Variants in TBC1D19 observed in about 807,000 individuals in gnomAD.
TBC1D19 encodes the protein TBC1 domain family member 19.
TBC1D19 carries 60 observed loss-of-function variants against 89.0 expected under a neutral mutation model. That is an observed-to-expected ratio of 0.67 (90% CI 0.55 to 0.84). The LOEUF (loss-of-function observed/expected upper bound fraction) is 0.84, where lower values mean the gene tolerates loss of function less well. Ranked by LOEUF, TBC1D19 falls within the 40% of genes least tolerant of loss-of-function variation. TBC1D19 has a pLI of 0.00. For missense variants in TBC1D19, 500 were observed against 610.8 expected, an observed-to-expected ratio of 0.82 and a Z score of 1.91; for synonymous variants, 189 against 199.7, an observed-to-expected ratio of 0.95 and a Z score of 0.45.
intron 1 of TBC1D19, among the ~76,000 whole-genome samples, chr4:26,597,362 G>A (rs1740290098): frequency 6.6e-6 from 1 of 152,082 alleles, no homozygotes; most frequent in Admixed American, 6.6e-5. Context: ...AGTCCATTTT[G>A]TATGGTGTTA....
At chr4:26,604,749 C>A in intron 1 of TBC1D19, among the ~76,000 whole-genome samples, 1 of 151,714 alleles carries the variant, frequency 6.6e-6, no homozygotes, top group Middle Eastern at 3.4e-3. Flanking sequence ...GGCATGGTGG[C>A]GGGTGCCTGT....
intron 13 of TBC1D19, among the ~76,000 whole-genome samples, chr4:26,689,485 T>G (rs1234993523): frequency 2.0e-5 from 3 of 152,182 alleles, no homozygotes; most frequent in Non-Finnish European, 2.9e-5. Context: ...TTCACAGATA[T>G]GTTATTTTTA....
At chr4:26,778,717 C>T in the TBC1D19 span, among the ~76,000 whole-genome samples, 1 of 152,122 alleles carries the variant, frequency 6.6e-6, no homozygotes, top group African/African-American at 2.4e-5. Flanking sequence ...ATTGGCATTA[C>T]CAGAAACCCC....
chr4:26,660,760 C>T (rs1312449809), intron 8 of TBC1D19, among the ~76,000 whole-genome samples: 2 of 152,172 alleles, frequency 1.3e-5, no homozygotes, highest in African/African-American at 2.4e-5. Flanking sequence ...CCTGGTCTGC[C>T]TTTGTGTGGC....
intron 8 of TBC1D19, among the ~76,000 whole-genome samples, chr4:26,665,095 G>A (rs188892228): frequency 6.6e-6 from 1 of 152,088 alleles, no homozygotes; most frequent in Admixed American, 6.6e-5. Flanking sequence ...CTTGGAAGGG[G>A]TGCCTTCGAT....
At chr4:26,737,076 CTT>C (rs754238051) in intron 16 of TBC1D19, among the ~76,000 whole-genome samples, 1 of 152,154 alleles carries the variant, frequency 6.6e-6, no homozygotes, top group Non-Finnish European at 1.5e-5. Context: ...GCAATAAACA[CTT>C]TTCTTTGTAA....
At chr4:26,683,477 T>C (rs1713536033) in intron 11 of TBC1D19, among the ~76,000 whole-genome samples, 198 bp from the exon 12 acceptor site, 1 of 152,198 alleles carries the variant, frequency 6.6e-6, no homozygotes, top group Non-Finnish European at 1.5e-5. Context: ...ACTCACCAGG[T>C]GCCAGATGTT....
At chr4:26,720,414 A>T (rs115448444) in intron 15 of TBC1D19, among the ~76,000 whole-genome samples, 2,043 of 152,164 alleles carry the variant, frequency 0.013, 40 homozygotes, top group African/African-American at 0.047. Context: ...ACACTAGCTA[A>T]TCCAATGCAG....
the TBC1D19 span, among the ~76,000 whole-genome samples, chr4:26,783,224 C>T: frequency 1.3e-5 from 2 of 152,176 alleles, no homozygotes; most frequent in African/African-American, 4.8e-5. Flanking sequence ...AAGAAAGGTT[C>T]TGGTCCACTG....
chr4:26,619,071 T>C (rs999023256), intron 3 of TBC1D19, among the ~76,000 whole-genome samples: 1 of 152,212 alleles, frequency 6.6e-6, no homozygotes, highest in African/African-American at 2.4e-5. Context: ...AATAAATATC[T>C]AACTTGATTT....
chr4:26,832,956 C>T, the TBC1D19 span, among the ~76,000 whole-genome samples: 4 of 152,092 alleles, frequency 2.6e-5, no homozygotes, highest in African/African-American at 9.6e-5. Context: ...ATTGAGCTAC[C>T]GCACTCTGGC....
Position 26,687,052 on chromosome 4 carries a change from A to AT in TBC1D19, c.892-1288dup, listed in dbSNP as rs1472008229. ...TGTTTGTTTGTTTTTTGAAGTTTTG[A>AT]TTTTTGTATCCTTCATCCCAACCAA... On this transcript the variant is annotated intron_variant, in intron 12 of 20. Coordinates refer to ENST00000264866, the MANE Select transcript of TBC1D19 (RefSeq NM_018317.4). 2.6e-5 allele frequency among the ~76,000 whole-genome samples: 4 copies of AT among 151,874 alleles called. No individual in the cohort carries two copies. In the East Asian group the frequency reaches 7.7e-4, roughly 29 times the overall value.
chr4:26,613,324 AC>A, intron 2 of TBC1D19, 83 bp downstream of exon 2: 2 of 818,718 alleles, frequency 2.4e-6, no homozygotes, highest in Non-Finnish European at 3.7e-6. Flanking sequence ...TCAAGCTTGT[AC>A]AACCACCTTA....
At chr4:26,626,955 T>A (rs1189970188) in intron 4 of TBC1D19, among the ~76,000 whole-genome samples, 1 of 151,030 alleles carries the variant, frequency 6.6e-6, no homozygotes, top group Non-Finnish European at 1.5e-5. Flanking sequence ...TAGTTACATA[T>A]GTATACATGT....
chr4:26,754,887 C>T lies in TBC1D19; in HGVS notation c.1521C>T (p.Asp507=). The change falls in exon 21 of 21, where the codon GAC becomes GAT. Residue 507 remains aspartate (D), a synonymous_variant. Transcript: ENST00000264866. The part of the protein sequence containing the change: ...SLAAAEAVLA[D]LSTLKVMPLL... ...TTTTGTTTCAGGCAGTTCTTGCTGA[C>T]CTTTCTACTTTAAAAGTTATGCCTC... The T allele has an allele frequency of 3.1e-6, 5 of 1,602,104 alleles. No homozygotes were observed. Among genetic ancestry groups the T allele is most frequent in the Non-Finnish European group, 3.4e-6 (4 of 1,176,372 alleles).
the TBC1D19 span, among the ~76,000 whole-genome samples, chr4:26,763,312 C>T: frequency 6.6e-6 from 1 of 152,088 alleles, no homozygotes; most frequent in African/African-American, 2.4e-5. Flanking sequence ...TATACCTCTC[C>T]AGCATTAAAA....
chr4:26,743,165 CTCTT>C (rs1461354080), intron 18 of TBC1D19, among the ~76,000 whole-genome samples: 1 of 151,928 alleles, frequency 6.6e-6, no homozygotes, highest in Non-Finnish European at 1.5e-5. Context: ...TTCTATCTCT[CTCTT>C]TTAAAAAAAA....
At chr4:26,835,535 A>C in the TBC1D19 span, among the ~76,000 whole-genome samples, 1 of 152,236 alleles carries the variant, frequency 6.6e-6, no homozygotes, top group African/African-American at 2.4e-5. Context: ...CATGCAGTTC[A>C]TAAAGGCAAG....
chr4:26,846,076 T>C, the TBC1D19 span, among the ~76,000 whole-genome samples: 1 of 152,242 alleles, frequency 6.6e-6, no homozygotes, highest in Non-Finnish European at 1.5e-5. Flanking sequence ...TTGTAGCATG[T>C]ATCAGAATTG....
Sources: allele counts gnomAD v4.1 joint callset (sites outside exome capture counted in the v4.1 genomes callset), GRCh38; gene constraint gnomAD v4.1.1; transcripts MANE v1.5; gene names NCBI Gene and HGNC (gene_info 2026-07-23, HGNC 2026-07-21).